PNPLA6: variants seen among roughly 807,000 people sequenced by gnomAD.
PNPLA6 encodes the protein patatin like domain 6, lysophospholipase.
Under a neutral mutation model 153.7 loss-of-function variants are expected in PNPLA6, and 105 were observed. That is an observed-to-expected ratio of 0.68 (90% confidence interval 0.58 to 0.80). The LOEUF is 0.80. PNPLA6 is among the 30% of genes least tolerant of loss of function. The probability of loss-of-function intolerance (pLI) is 0.00; values close to 1 mark genes in which losing one functional copy is unlikely to be tolerated. For missense variants in PNPLA6, 1,423 were observed against 1,919.3 expected (o/e 0.74, Z 4.83); for synonymous variants, 825 against 822.2 (o/e 1.00, Z -0.06).
In PNPLA6 at chr19:7,535,928, C is replaced by A; in HGVS notation, c.140C>A (p.Pro47His). Reference sequence around the variant, plus strand: ...GGTGCGCAGCCAGTGCCGTTCGTCCCTCAGGTGCTTGGCGTGATGATCGGG... The same window carrying A: ...GGTGCGCAGCCAGTGCCGTTCGTCCATCAGGTGCTTGGCGTGATGATCGGG... ...ICGAQPVPFV[P>H]QVLGVMIGAG... The change falls in exon 1 of 32, where the codon CCT becomes CAT. Residue 47 changes from proline (P) to histidine (H), a missense_variant. Around this residue, in one of 10 missense-constraint regions of PNPLA6, gnomAD observed 109 missense variants for 109.4 expected, o/e 1.00. Transcript: ENST00000600737. This position sits in a 1 kb window ranked among gnomAD's most constrained non-coding sequence, Gnocchi z 5.0. The A allele has an allele frequency of 6.3e-7, 1 of 1,578,532 alleles. No homozygotes were observed.
chr19:7,535,400 C>G (rs117535617), upstream of PNPLA6: 21,501 of 854,770 alleles, frequency 0.025, 320 homozygotes, highest in Non-Finnish European at 0.03. The surrounding 1 kb of genome is among the most constrained non-coding windows in gnomAD (Gnocchi z 5.0). Flanking sequence ...GACGCTTCCC[C>G]CGCCACCCCA....
Position 7,540,515 on chromosome 19 carries a change from G to T in PNPLA6, c.715-115G>T. 9.5e-7 allele frequency: 1 copy of T among 1,056,062 alleles called. No individual in the cohort carries two copies. The highest frequency in any genetic ancestry group is 1.5e-6 in the Non-Finnish European group (1 of 679,612). 65.4% of individuals were successfully genotyped at this position (1,056,062 alleles called of 1,614,324 possible). A position where few individuals can be genotyped will look rare whatever the true frequency, so the allele number is the denominator to read the frequency against. On this transcript the variant is annotated intron_variant, in intron 5 of 31. Coordinates refer to ENST00000600737, the MANE Select transcript of PNPLA6 (RefSeq NM_001166114.2). The surrounding 1 kb of genome is among the most constrained non-coding windows in gnomAD (Gnocchi z 6.8). ...AGATGCCTGCTCGTTGGAAGGGTTGGTGGGTTCCCCTGAGAAGGGATGAGA... is the reference window on the plus strand; with the variant it reads ...AGATGCCTGCTCGTTGGAAGGGTTGTTGGGTTCCCCTGAGAAGGGATGAGA...
upstream of PNPLA6, chr19:7,534,852 A>G (rs2022763735): frequency 6.5e-6 from 1 of 154,084 alleles, no homozygotes; most frequent in Admixed American, 6.4e-5. Context: ...AAAAACCAGC[A>G]GCGCCTTGCA....
chr19:7,558,850 C>T lies in PNPLA6; in HGVS notation c.3398C>T (p.Ala1133Val), dbSNP rs1361220718. ...CCCGCTGACCCCCCTGGCCCCACAG[C>T]GGACATCGCCCGCAGCATGGGTGCC... ...MDGGYINNLP[A>V]DIARSMGAKT... Residue 1133 changes from alanine (A) to valine (V), a missense_variant and splice_region_variant, in exon 28 of 32, where the codon GCG becomes GTG. Around this residue, in one of 10 missense-constraint regions of PNPLA6, gnomAD observed 643 missense variants for 835.2 expected, o/e 0.77. Transcript: ENST00000600737. 6.2e-6 allele frequency: 10 copies of T among 1,605,844 alleles called. No individual in the cohort carries two copies. Among genetic ancestry groups the T allele is most frequent in the Non-Finnish European group, 7.6e-6 (9 of 1,179,178 alleles).
chr19:7,550,721 T>C (rs948878214), intron 16 of PNPLA6, 81 bp downstream of exon 16: 1 of 1,522,388 alleles, frequency 6.6e-7, no homozygotes, highest in Non-Finnish European at 8.9e-7. Context: ...TCCCGGGTAA[T>C]CCAGGGAGTG....
At chr19:7,543,819 T>C (rs2023264229) in intron 13 of PNPLA6, among the ~76,000 whole-genome samples, 2 of 151,596 alleles carry the variant, frequency 1.3e-5, no homozygotes, top group South Asian at 2.1e-4. Context: ...TTTTCTTTTT[T>C]TTTTTTTTTG....
rs575061130 is a variant in PNPLA6 at position 7,553,590 on chromosome 19, G to A, written c.2261-285G>A. Among the ~76,000 whole-genome samples, 7 of 152,366 alleles carry A rather than the reference G, an allele frequency of 4.6e-5. No individual in the cohort carries two copies. The South Asian group carries it at 1.4e-3, about 32-fold the overall frequency. On this transcript the variant is annotated intron_variant, in intron 18 of 31. Coordinates refer to ENST00000600737, the MANE Select transcript of PNPLA6 (RefSeq NM_001166114.2). ...CCAAGCACAGTGAATCTGAATGGTTGTAGAGTTGTGTAATGGATCCCACTG... is the reference window on the plus strand; with the variant it reads ...CCAAGCACAGTGAATCTGAATGGTTATAGAGTTGTGTAATGGATCCCACTG...
At chr19:7,543,791 C>T (rs376947584) in intron 13 of PNPLA6, among the ~76,000 whole-genome samples, 8 of 152,118 alleles carry the variant, frequency 5.3e-5, no homozygotes, top group African/African-American at 1.9e-4. Flanking sequence ...TTCGCAGAAC[C>T]CCAGTAAGAC....
chr19:7,554,156 GC>G (rs1307220453), intron 19 of PNPLA6, 52 bp from the exon 20 acceptor site: 2 of 1,588,018 alleles, frequency 1.3e-6, no homozygotes, highest in Non-Finnish European at 1.7e-6. Context: ...TCTGAGTTAG[GC>G]CCCAGCCCTG....
intron 27 of PNPLA6, among the ~76,000 whole-genome samples, 169 bp from the exon 28 acceptor site, chr19:7,558,681 G>A (rs1433024218): frequency 6.6e-6 from 1 of 152,132 alleles, no homozygotes; most frequent in Non-Finnish European, 1.5e-5. Context: ...CTCAACTTCA[G>A]TTGCATCATT....
intron 1 of PNPLA6, 25 bp downstream of exon 1, chr19:7,536,045 G>T (rs900023398): frequency 6.3e-7 from 1 of 1,579,108 alleles, no homozygotes; most frequent in Non-Finnish European, 8.6e-7. Flanking sequence ...GGCCCCTCTT[G>T]GGAGGCTGTA....
rs535208 is a variant in PNPLA6, at chr19:7,558,814, G to A, written c.3398-36G>A. 931,503 of 1,568,006 alleles carry A rather than the reference G, an allele frequency of 0.59. 279,025 individuals are homozygous for A. Among genetic ancestry groups the A allele is most frequent in the Admixed American group, 0.67 (38,164 of 56,920 alleles). ...TTGAACATCTCTGCCCCGGGCCCCC[G>A]AGGGGAGCAGCCCGCTGACCCCCCT... On this transcript the variant is annotated intron_variant, in intron 27 of 31. Coordinates refer to ENST00000600737, the MANE Select transcript of PNPLA6 (RefSeq NM_001166114.2).
At chr19:7,560,536 A>G in intron 28 of PNPLA6, 112 bp from the exon 29 acceptor site, 1 of 790,430 alleles carries the variant, frequency 1.3e-6, no homozygotes, top group South Asian at 1.4e-5. Context: ...TTTAGTCTCA[A>G]ATGCAACTCC....
At position 7,554,644 on chromosome 19, in the gene PNPLA6, C is replaced by T. The variant is rs1228158488; in HGVS notation, c.2555C>T (p.Pro852Leu). 1.9e-6 allele frequency: 3 copies of T among 1,614,078 alleles called. No homozygotes were observed. In the Admixed American group the frequency reaches 5.0e-5, roughly 27 times the overall value. The change falls in exon 21 of 32, where the codon CCC becomes CTC. Residue 852 changes from proline (P) to leucine (L), a missense_variant. By Grantham distance (98) the Pro-to-Leu change is moderately conservative. Around this residue, in one of 10 missense-constraint regions of PNPLA6, gnomAD observed 643 missense variants for 835.2 expected, o/e 0.77. Coordinates refer to ENST00000600737, the MANE Select transcript of PNPLA6 (RefSeq NM_001166114.2). ...TACCAGACGGACGCCTCGCTGACGC[C>T]CTGGACCGTGCGCTGCCTGCGACAG... is the stretch of plus-strand genomic sequence containing the variant. ...VLYQTDASLT[P>L]WTVRCLRQAD...
Position 7,558,974 on chromosome 19 carries a change from G to A in PNPLA6, c.3522G>A (p.Leu1174=). 1 of 1,614,242 alleles carries A rather than the reference G, an allele frequency of 6.2e-7. No homozygotes were observed. Among genetic ancestry groups the A allele is most frequent in the Admixed American group, 1.7e-5 (1 of 60,018 alleles). ...LSGWWLLWKR[L]NPWADKVKVP... Reference sequence around the variant, plus strand: ...GCTGGTGGCTGCTGTGGAAGCGGCTGAATCCCTGGGCTGACAAGGTAAAGG... The same window carrying A: ...GCTGGTGGCTGCTGTGGAAGCGGCTAAATCCCTGGGCTGACAAGGTAAAGG... The change falls in exon 28 of 32, where the codon CTG becomes CTA. Residue 1174 remains leucine, a synonymous_variant. Coordinates refer to ENST00000600737, the MANE Select transcript of PNPLA6 (RefSeq NM_001166114.2).
At chr19:7,543,793 C>T (rs1030316038) in intron 13 of PNPLA6, among the ~76,000 whole-genome samples, 2 of 151,848 alleles carry the variant, frequency 1.3e-5, no homozygotes, top group Non-Finnish European at 2.9e-5. Context: ...CGCAGAACCC[C>T]AGTAAGACTT....
chr19:7,551,869 G>T (rs1337561151), intron 18 of PNPLA6, among the ~76,000 whole-genome samples: 1 of 152,100 alleles, frequency 6.6e-6, no homozygotes, highest in Non-Finnish European at 1.5e-5. Flanking sequence ...GGAGGCTGAG[G>T]CAGGAGGATC....
intron 27 of PNPLA6, 51 bp downstream of exon 27, chr19:7,557,335 C>T (rs1334819646): frequency 6.2e-6 from 7 of 1,135,226 alleles, no homozygotes; most frequent in South Asian, 1.2e-5. Flanking sequence ...CCGCACCACA[C>T]ACACGCACAC....
intron 10 of PNPLA6, 91 bp downstream of exon 10, chr19:7,542,158 C>A: frequency 1.0e-6 from 1 of 1,001,992 alleles, no homozygotes; most frequent in Non-Finnish European, 1.5e-6. Context: ...TTTTAATCTG[C>A]GAAATGGGAA....
Sources: gnomAD v4.1 joint callset for allele counts (sites outside exome capture counted in the v4.1 genomes callset) on GRCh38, gnomAD v4.1.1 for gene constraint, gnomAD v4.1.1 regional missense constraint, Gnocchi (gnomAD v3.1) non-coding constraint, MANE v1.5 for transcripts, NCBI Gene and HGNC (gene_info 2026-07-23, HGNC 2026-07-21) for gene names.